Variants in DNM3 observed in about 807,000 individuals in gnomAD.
The protein encoded by DNM3 is dynamin 3, also known as dynamin-3.
A neutral mutation model predicts 101.6 loss-of-function variants in DNM3; 47 were observed. That is an observed-to-expected ratio of 0.46 (90% CI 0.37 to 0.59). The LOEUF is 0.59. Ranked by LOEUF, DNM3 falls within the 20% of genes least tolerant of loss-of-function variation. The pLI, the probability that DNM3 is intolerant of heterozygous loss-of-function variation, is 0.00. For synonymous variants in DNM3, 385 were observed against 387.9 expected (o/e 0.99, Z 0.09); for missense variants, 849 against 1,085.7 (o/e 0.78, Z 3.06).
At chr1:172,234,122 G>T (rs1425234092) in intron 14 of DNM3, among the ~76,000 whole-genome samples, 1 of 152,158 alleles carries the variant, frequency 6.6e-6, no homozygotes, top group Non-Finnish European at 1.5e-5. Flanking sequence ...CAGATGACAT[G>T]ATTGTATATC....
At chr1:171,939,400 T>A (rs1172530081) in intron 2 of DNM3, among the ~76,000 whole-genome samples, 2 of 152,206 alleles carry the variant, frequency 1.3e-5, no homozygotes, top group Non-Finnish European at 2.9e-5. Context: ...TGTTCTATTT[T>A]AGGTTTATTT....
At chr1:172,014,570 T>C (rs992271474) in intron 4 of DNM3, among the ~76,000 whole-genome samples, 8 of 152,222 alleles carry the variant, frequency 5.3e-5, no homozygotes, top group African/African-American at 1.4e-4. Context: ...ATCTTTTTCA[T>C]AGGCTTACTT....
At chr1:171,976,213 T>A (rs537495001) in intron 2 of DNM3, among the ~76,000 whole-genome samples, 7 of 152,218 alleles carry the variant, frequency 4.6e-5, no homozygotes, top group Non-Finnish European at 8.8e-5. Flanking sequence ...CCTTCCACCA[T>A]ACACAAAAAT....
Position 172,409,628 on chromosome 1 carries a change from T to C in DNM3, c.*1787T>C. 3 of 985,714 alleles carry C rather than the reference T, an allele frequency of 3.0e-6. No individual in the cohort carries two copies. The highest frequency in any genetic ancestry group is 3.6e-6 in the Non-Finnish European group (3 of 829,848). The allele number at this position is 985,714 out of a possible 1,614,324, so 61.1% of individuals were successfully genotyped here. The stretch of plus-strand genomic sequence containing the variant: ...GTTAACTCTTTGTGAATGGAACCAA[T>C]GTGCAAGATACATACTGCATTTTTA... On this transcript the variant is annotated 3_prime_UTR_variant, in exon 21 of 21. Coordinates refer to ENST00000627582, the MANE Select transcript of DNM3 (RefSeq NM_015569.5).
chr1:172,233,711 C>T (rs1295773360), intron 14 of DNM3, among the ~76,000 whole-genome samples: 1 of 152,170 alleles, frequency 6.6e-6, no homozygotes, highest in Non-Finnish European at 1.5e-5. Context: ...TGGGCTTCAT[C>T]CCTGGGATGC....
intron 17 of DNM3, among the ~76,000 whole-genome samples, chr1:172,339,812 A>G (rs2066608603): frequency 6.6e-6 from 1 of 152,190 alleles, no homozygotes; most frequent in Non-Finnish European, 1.5e-5. Flanking sequence ...AAAGATTACT[A>G]AGTCAGTCAT....
At chr1:172,304,281 A>G (rs2148858872) in intron 15 of DNM3, among the ~76,000 whole-genome samples, 1 of 149,344 alleles carries the variant, frequency 6.7e-6, no homozygotes, top group South Asian at 2.2e-4. Flanking sequence ...AGATCAAAAG[A>G]GACAAAGAAG....
At chr1:172,265,503 G>T (rs943093323) in intron 15 of DNM3, among the ~76,000 whole-genome samples, 2 of 152,130 alleles carry the variant, frequency 1.3e-5, no homozygotes, top group African/African-American at 4.8e-5. Context: ...TGGCATCATA[G>T]ATATCTGGGG....
intron 13 of DNM3, among the ~76,000 whole-genome samples, chr1:172,104,796 T>A (rs1399199064): frequency 6.6e-6 from 1 of 152,182 alleles, no homozygotes; most frequent in African/African-American, 2.4e-5. Context: ...TATTGACATT[T>A]TTCCCTGTAA....
At chr1:172,318,962 G>A (rs2065547405) in intron 16 of DNM3, among the ~76,000 whole-genome samples, 1 of 152,038 alleles carries the variant, frequency 6.6e-6, no homozygotes, top group African/African-American at 2.4e-5. Flanking sequence ...AAAGCTGGAG[G>A]CATCACGCTA....
At chr1:171,885,948 A>G (rs565799170) in intron 1 of DNM3, among the ~76,000 whole-genome samples, 1 of 152,200 alleles carries the variant, frequency 6.6e-6, no homozygotes, top group East Asian at 1.9e-4. Flanking sequence ...TGAAACTGAG[A>G]GTAGGATGAG....
chr1:171,910,615 G>T (rs945525908), intron 1 of DNM3, among the ~76,000 whole-genome samples: 1 of 152,120 alleles, frequency 6.6e-6, no homozygotes, highest in African/African-American at 2.4e-5. Flanking sequence ...TGTTGATATG[G>T]TGATATATTA....
chr1:171,894,004 A>G (rs1466061775), intron 1 of DNM3, among the ~76,000 whole-genome samples: 1 of 151,736 alleles, frequency 6.6e-6, no homozygotes, highest in African/African-American at 2.4e-5. Context: ...TTGTATTTTT[A>G]GTAGAGATGG....
chr1:171,914,500 G>T (rs139623462), intron 1 of DNM3, among the ~76,000 whole-genome samples: 1 of 152,058 alleles, frequency 6.6e-6, no homozygotes, highest in Non-Finnish European at 1.5e-5. Context: ...AAAATATATT[G>T]GTTCTGGATT....
chr1:171,939,865 C>T (rs553723437), intron 2 of DNM3, among the ~76,000 whole-genome samples: 1 of 152,138 alleles, frequency 6.6e-6, no homozygotes, highest in South Asian at 2.1e-4. Context: ...ATCACAGATG[C>T]CCCTGTATTT....
At chr1:171,952,507 T>A (rs1472400781) in intron 2 of DNM3, among the ~76,000 whole-genome samples, 1 of 152,100 alleles carries the variant, frequency 6.6e-6, no homozygotes, top group Non-Finnish European at 1.5e-5. Flanking sequence ...TAACAAGACA[T>A]GTCCAACCTC....
At chr1:171,937,100 G>T (rs1051699549) in intron 2 of DNM3, among the ~76,000 whole-genome samples, 1 of 152,190 alleles carries the variant, frequency 6.6e-6, no homozygotes. Context: ...TCAAGGACTT[G>T]TTCTCTAGTT....
chr1:172,277,736 G>A (rs540989902), intron 15 of DNM3, among the ~76,000 whole-genome samples: 92 of 152,140 alleles, frequency 6.0e-4, no homozygotes, highest in Non-Finnish European at 1.0e-3. Flanking sequence ...AAAGCATTAG[G>A]ATTCTTCATT....
In DNM3 at chr1:172,291,285, TG is replaced by T. The variant is rs1456968187; in HGVS notation, c.1770-17442del. Among the ~76,000 whole-genome samples the T allele has an allele frequency of 3.9e-5, 4 of 102,726 alleles. No individual in the cohort carries two copies. The East Asian group carries it at 1.3e-3, about 35-fold the overall frequency. 67.4% of individuals were successfully genotyped at this position (102,726 alleles called of 152,430 possible). ...ACGCATACATGTGCGTGTGTACACG[TG>T]TGCACGCCTGTTTTCAGATGGCTGC... On this transcript the variant is annotated intron_variant, in intron 15 of 20. Transcript: ENST00000627582.
Sources: allele counts gnomAD v4.1 joint callset (sites outside exome capture counted in the v4.1 genomes callset), GRCh38; gene constraint gnomAD v4.1.1; transcripts MANE v1.5; gene names NCBI Gene and HGNC (gene_info 2026-07-23, HGNC 2026-07-21).